The following STPG2 variants were observed in gnomAD, a reference collection of about 807,000 sequenced individuals.
The protein encoded by STPG2 is sperm-tail PG-rich repeat-containing protein 2.
STPG2 carries 56 observed loss-of-function variants against 54.2 expected under a neutral mutation model. That is an observed-to-expected ratio of 1.03 (90% confidence interval 0.83 to 1.29). The LOEUF is 1.29. STPG2 is among the 50% of genes most tolerant of loss of function. The pLI, the probability that STPG2 is intolerant of heterozygous loss-of-function variation, is 0.00. For missense variants in STPG2, 596 were observed against 544.9 expected, an observed-to-expected ratio of 1.09 and a Z score of -0.93; for synonymous variants, 200 against 181.8, an observed-to-expected ratio of 1.10 and a Z score of -0.81.
At chr4:97,771,240 A>G (rs1354633297) in intron 9 of STPG2, among the ~76,000 whole-genome samples, 1 of 152,196 alleles carries the variant, frequency 6.6e-6, no homozygotes, top group African/African-American at 2.4e-5. Flanking sequence ...GATAGGAAGC[A>G]CACGGGGATT....
chr4:97,905,947 AT>A (rs1731397694), intron 8 of STPG2, among the ~76,000 whole-genome samples: 1 of 152,200 alleles, frequency 6.6e-6, no homozygotes, highest in African/African-American at 2.4e-5. Flanking sequence ...TAACATCACA[AT>A]TAAAAGAACT....
intron 4 of STPG2, among the ~76,000 whole-genome samples, chr4:97,544,176 A>G (rs1319745219): frequency 6.6e-6 from 1 of 152,142 alleles, no homozygotes; most frequent in Non-Finnish European, 1.5e-5. Flanking sequence ...ATAAAGATAC[A>G]ATTCCAGTTA....
At chr4:97,725,411 G>A (rs1724588719) in intron 9 of STPG2, among the ~76,000 whole-genome samples, 1 of 150,474 alleles carries the variant, frequency 6.6e-6, no homozygotes, top group Non-Finnish European at 1.5e-5. Context: ...TAGAAAAACT[G>A]ACCCTGAAGA....
At chr4:97,451,330 G>A (rs1404194393) in intron 4 of STPG2, among the ~76,000 whole-genome samples, 1 of 151,944 alleles carries the variant, frequency 6.6e-6, no homozygotes, top group African/African-American at 2.4e-5. Flanking sequence ...AATTAATTTA[G>A]TTGAGGTAAA....
intron 4 of STPG2, among the ~76,000 whole-genome samples, chr4:98,106,448 A>G (rs1415481970): frequency 6.6e-6 from 1 of 152,168 alleles, no homozygotes; most frequent in Non-Finnish European, 1.5e-5. Flanking sequence ...TGCTATTTAT[A>G]TCATAAAATA....
rs184438198 is a variant in STPG2 at position 97,759,195 on chromosome 4, T to C, written c.1205-46381A>G. Among the ~76,000 whole-genome samples, 651 of 152,224 alleles carry C rather than the reference T, an allele frequency of 4.3e-3. 5 individuals are homozygous for C. Among genetic ancestry groups the C allele is most frequent in the Non-Finnish European group, 6.6e-3 (447 of 68,014 alleles). Reference sequence around the variant, plus strand: ...AGTCATGAGAAAGAATGGAGACTGGTGTTAGAGTATGTAAGGGCAGTGTGG... The same window carrying C: ...AGTCATGAGAAAGAATGGAGACTGGCGTTAGAGTATGTAAGGGCAGTGTGG... On this transcript the variant is annotated intron_variant, in intron 9 of 10. Coordinates refer to ENST00000295268, the MANE Select transcript of STPG2 (RefSeq NM_174952.3).
At chr4:97,807,872 A>G (rs1727620344) in intron 9 of STPG2, among the ~76,000 whole-genome samples, 1 of 152,044 alleles carries the variant, frequency 6.6e-6, no homozygotes, top group Non-Finnish European at 1.5e-5. Flanking sequence ...AAAACCAAAG[A>G]CAATGAGAAA....
At chr4:97,745,527 C>A (rs1429811447) in intron 9 of STPG2, among the ~76,000 whole-genome samples, 1 of 150,964 alleles carries the variant, frequency 6.6e-6, no homozygotes, top group Non-Finnish European at 1.5e-5. Context: ...TATGAAATAT[C>A]ACAGCTTCAT....
intron 9 of STPG2, among the ~76,000 whole-genome samples, chr4:97,768,182 A>AT (rs1726116786): frequency 6.7e-6 from 1 of 149,750 alleles, no homozygotes; most frequent in Non-Finnish European, 1.5e-5. Flanking sequence ...AAAAAAAAAC[A>AT]TAAGAGTTAA....
chr4:97,747,679 T>G (rs897326616), intron 9 of STPG2, among the ~76,000 whole-genome samples: 1 of 151,464 alleles, frequency 6.6e-6, no homozygotes, highest in Non-Finnish European at 1.5e-5. Context: ...ATAAAGCTCA[T>G]ATTTTATTAA....
intron 10 of STPG2, among the ~76,000 whole-genome samples, chr4:97,682,878 TAGAAA>T (rs1453290345): frequency 4.0e-5 from 6 of 151,822 alleles, no homozygotes; most frequent in Admixed American, 1.3e-4. Flanking sequence ...AAAACTCAAT[TAGAAA>T]AGAAAAGTAA....
chr4:97,674,946 C>T (rs1722796508), intron 10 of STPG2, among the ~76,000 whole-genome samples: 1 of 152,086 alleles, frequency 6.6e-6, no homozygotes, highest in Admixed American at 6.5e-5. Context: ...TAAGGTAAAG[C>T]CATGCAATCT....
At chr4:97,680,612 A>G (rs546359098) in intron 10 of STPG2, among the ~76,000 whole-genome samples, 1 of 151,980 alleles carries the variant, frequency 6.6e-6, no homozygotes, top group Non-Finnish European at 1.5e-5. Context: ...CTAATTGAAT[A>G]CCCTTTATTT....
rs117681646 is a variant in STPG2 at position 97,956,682 on chromosome 4, T to C, written c.934-12675A>G. On this transcript the variant is annotated intron_variant, in intron 7 of 10. Coordinates refer to ENST00000295268, the MANE Select transcript of STPG2 (RefSeq NM_174952.3). Reference sequence around the variant, plus strand: ...CCCCCAGTAGCAGCCCAGAGCCTAATAGACCTGATGGGTGGCTGGATCCAG... The same window carrying C: ...CCCCCAGTAGCAGCCCAGAGCCTAACAGACCTGATGGGTGGCTGGATCCAG... Among the ~76,000 whole-genome samples, 14 of 152,268 alleles carry C rather than the reference T, an allele frequency of 9.2e-5. No individual in the cohort carries two copies. In the East Asian group the frequency reaches 1.5e-3, roughly 17 times the overall value.
At chr4:97,686,487 C>A (rs1723192059) in intron 10 of STPG2, among the ~76,000 whole-genome samples, 1 of 152,090 alleles carries the variant, frequency 6.6e-6, no homozygotes, top group African/African-American at 2.4e-5. Context: ...TTAATTAGGG[C>A]TGTTCACTTC....
At chr4:97,975,980 G>A (rs1055440990) in intron 6 of STPG2, among the ~76,000 whole-genome samples, 4 of 152,054 alleles carry the variant, frequency 2.6e-5, no homozygotes, top group Admixed American at 2.0e-4. Flanking sequence ...GAGTGTCACT[G>A]GGTAGTACTA....
At position 97,559,114 on chromosome 4, in the gene STPG2, A is replaced by G. The variant is rs1453921936; in HGVS notation, c.1324T>C (p.Ser442Pro). ...ITPGPATYEI[S>P]QEKKKGNLIG... Reference sequence around the variant, plus strand: ...AGATTTCCTTTCTTTTTCTCCTGGGATATCTGTTTAATAAGAATGAGAAAA... The same window carrying G: ...AGATTTCCTTTCTTTTTCTCCTGGGGTATCTGTTTAATAAGAATGAGAAAA... The change falls in exon 11 of 11, where the codon TCC (serine) becomes CCC (proline). Residue 442 changes from serine (S) to proline (P), a missense_variant. By Grantham distance (74) the Ser-to-Pro change is moderately conservative. Transcript: ENST00000295268. 7 of 1,597,232 alleles carry G rather than the reference A, an allele frequency of 4.4e-6. No homozygotes were observed. The South Asian group carries it at 5.7e-5, about 13-fold the overall frequency.
Position 97,491,151 on chromosome 4 carries a change from G to T in STPG2, c.462+221548C>A, listed in dbSNP as rs1054513299. Among the ~76,000 whole-genome samples, 3 of 151,270 alleles carry T rather than the reference G, an allele frequency of 2.0e-5. No homozygotes were observed. The South Asian group carries it at 6.2e-4, about 31-fold the overall frequency. On this transcript the variant is annotated intron_variant, in intron 4 of 4. Transcript: ENST00000522676. Reference sequence around the variant, plus strand: ...TTCTGGCAGAAAATTTTCATTTAAAGTTACTCCAAATCCATACTCCCTGAG... The same window carrying T: ...TTCTGGCAGAAAATTTTCATTTAAATTTACTCCAAATCCATACTCCCTGAG...
chr4:98,133,726 C>T (rs1192789467), intron 2 of STPG2, among the ~76,000 whole-genome samples: 2 of 151,926 alleles, frequency 1.3e-5, no homozygotes, highest in African/African-American at 2.4e-5. Context: ...GCATCTATAT[C>T]GATCACTTCA....
Sources: allele counts gnomAD v4.1 joint callset (sites outside exome capture counted in the v4.1 genomes callset), GRCh38; gene constraint gnomAD v4.1.1; transcripts MANE v1.5; gene names NCBI Gene and HGNC (gene_info 2026-07-23, HGNC 2026-07-21).